The following VEGFC variants were observed in gnomAD, a reference collection of about 807,000 sequenced individuals.
VEGFC encodes vascular endothelial growth factor C.
Under a neutral mutation model 46.1 loss-of-function variants are expected in VEGFC, and 12 were observed. The ratio of observed to expected loss-of-function variants is 0.26; its 90% CI spans 0.17 to 0.42. VEGFC has a LOEUF of 0.42. Ranked by LOEUF, VEGFC falls within the 10% of genes least tolerant of loss-of-function variation. VEGFC has a pLI of 1.00. For missense variants in VEGFC, 488 were observed against 529.4 expected, an observed-to-expected ratio of 0.92 and a Z score of 0.77; for synonymous variants, 232 against 195.5, an observed-to-expected ratio of 1.19 and a Z score of -1.56.
chr4:176,792,883 A>AGCGGCGGCGGCGGCGGCGGCG lies in VEGFC; in HGVS notation c.-593_-573dup, dbSNP rs1004741257. Among the ~76,000 whole-genome samples the AGCGGCGGCGGCGGCGGCGGCG allele has an allele frequency of 2.1e-5, 3 of 144,820 alleles. No individual in the cohort carries two copies. The highest frequency in any genetic ancestry group is 7.5e-5 in the African/African-American group (3 of 39,810). ...GGATCCTCCAGAGCGCGCCGGGCTG[A>AGCGGCGGCGGCGGCGGCGGCG]GCGGCGGCGGCGGCGGCGGCGGGCG... On this transcript the variant is annotated 5_prime_UTR_variant, in exon 1 of 7. Coordinates refer to ENST00000618562, the MANE Select transcript of VEGFC (RefSeq NM_005429.5). This position sits in a 1 kb window ranked among gnomAD's most constrained non-coding sequence, Gnocchi z 6.3.
chr4:176,767,470 C>T (rs1025719296), intron 1 of VEGFC, among the ~76,000 whole-genome samples: 2 of 152,214 alleles, frequency 1.3e-5, no homozygotes, highest in Non-Finnish European at 2.9e-5. Context: ...CTATTGACAG[C>T]CCCTCTCCTA....
rs146168340 is a variant in VEGFC at position 176,762,118 on chromosome 4, A to G, written c.147+30047T>C. Among the ~76,000 whole-genome samples the G allele has an allele frequency of 6.9e-4, 105 of 152,318 alleles. No homozygotes were observed. In the East Asian group the frequency reaches 0.019, roughly 27 times the overall value. On this transcript the variant is annotated intron_variant, in intron 1 of 6. Transcript: ENST00000618562. ...ATGTCAGATGTAGGCTCAGAACATG[A>G]GGCCTGAAACTCACCAGGTCTTAGG...
chr4:176,768,025 C>T (rs1474342511), intron 1 of VEGFC, among the ~76,000 whole-genome samples: 1 of 152,120 alleles, frequency 6.6e-6, no homozygotes, highest in Non-Finnish European at 1.5e-5. Context: ...AAGGATGATA[C>T]CATGAATTTT....
chr4:176,711,564 A>G lies in VEGFC; in HGVS notation c.639T>C (p.Ser213=). Residue 213 remains serine, a synonymous_variant, in exon 4 of 7, where the codon TCT becomes TCC. Coordinates refer to ENST00000618562, the MANE Select transcript of VEGFC (RefSeq NM_005429.5). Reference sequence around the variant, plus strand: ...GAACTTGTCTGTAAACATCCAGTTTAGACATGCATCGGCAGGAAGTGTGAT... The same window carrying G: ...GAACTTGTCTGTAAACATCCAGTTTGGACATGCATCGGCAGGAAGTGTGAT... ...FANHTSCRCM[S]KLDVYRQVHS... 6.2e-7 allele frequency: 1 copy of G among 1,613,870 alleles called. No homozygotes were observed.
intron 1 of VEGFC, among the ~76,000 whole-genome samples, chr4:176,779,993 C>T (rs1322045664): frequency 6.6e-6 from 1 of 152,164 alleles, no homozygotes; most frequent in Non-Finnish European, 1.5e-5. Flanking sequence ...TAAAGAACGA[C>T]AGCTCTTAAA....
At chr4:176,713,537 T>A (rs1043175234) in intron 3 of VEGFC, among the ~76,000 whole-genome samples, 1 of 152,180 alleles carries the variant, frequency 6.6e-6, no homozygotes, top group Non-Finnish European at 1.5e-5. Flanking sequence ...TCTGCAATAA[T>A]GTAGATGGTA....
At chr4:176,702,934 T>A (rs1439279914) in intron 4 of VEGFC, among the ~76,000 whole-genome samples, 1 of 152,060 alleles carries the variant, frequency 6.6e-6, no homozygotes, top group Admixed American at 6.6e-5. Context: ...AAACATAATG[T>A]CAAGAGAAAA....
chr4:176,767,123 T>TAAAAAAAAAAA (rs70964805), intron 1 of VEGFC, among the ~76,000 whole-genome samples: 71 of 50,138 alleles, frequency 1.4e-3, no homozygotes, highest in Middle Eastern at 0.024. Flanking sequence ...TGTAGAAATC[T>TAAAAAAAAAAA]AAAAAAAAAA....
At chr4:176,706,906 C>T (rs1245154710) in intron 4 of VEGFC, among the ~76,000 whole-genome samples, 1 of 152,134 alleles carries the variant, frequency 6.6e-6, no homozygotes, top group African/African-American at 2.4e-5. Context: ...GATCCAAATC[C>T]TCAAACAAAC....
chr4:176,782,465 A>T (rs1735933262), intron 1 of VEGFC, among the ~76,000 whole-genome samples: 1 of 148,736 alleles, frequency 6.7e-6, no homozygotes, highest in Non-Finnish European at 1.5e-5. Context: ...CCTGTCTCAA[A>T]TTAAAAAAAA....
In VEGFC at chr4:176,706,625, C is replaced by CAAAAAAAA. The variant is rs55996370; in HGVS notation, c.704+4866_704+4873dup. Among the ~76,000 whole-genome samples the CAAAAAAAA allele has an allele frequency of 2.4e-4, 15 of 63,470 alleles. 1 individual carries two copies. Among genetic ancestry groups the CAAAAAAAA allele is most frequent in the African/African-American group, 9.0e-4 (11 of 12,282 alleles). The allele number at this position is 63,470 out of a possible 152,430, so 41.6% of individuals were successfully genotyped here. ...TGGGTGATAGAGTGAGAATCTGTCT[C>CAAAAAAAA]AAAAAAAAAAAAAAAAAAAAAAAAA... On this transcript the variant is annotated intron_variant, in intron 4 of 6. Transcript: ENST00000618562.
intron 1 of VEGFC, among the ~76,000 whole-genome samples, chr4:176,750,187 A>G (rs1167187100): frequency 6.6e-6 from 1 of 151,778 alleles, no homozygotes; most frequent in African/African-American, 2.4e-5. Context: ...GTTCATTATT[A>G]CTCCGATCTC....
chr4:176,777,062 C>T (rs962631450), intron 1 of VEGFC, among the ~76,000 whole-genome samples: 6 of 152,122 alleles, frequency 3.9e-5, no homozygotes, highest in East Asian at 1.9e-4. Flanking sequence ...GCCTGTAATC[C>T]CAGCACTTTG....
chr4:176,756,138 C>A lies in VEGFC; in HGVS notation c.148-26392G>T, dbSNP rs548530610. The stretch of plus-strand genomic sequence containing the variant: ...CTGGGCTTATCTCCCACATTCATGA[C>A]TTTTTAAATCTATTAAGTGATAATA... On this transcript the variant is annotated intron_variant, in intron 1 of 6. Transcript: ENST00000618562. Among the ~76,000 whole-genome samples, 9 of 152,068 alleles carry A rather than the reference C, an allele frequency of 5.9e-5. No homozygotes were observed. The East Asian group carries it at 1.4e-3, about 23-fold the overall frequency.
chr4:176,751,967 A>T (rs939269306), intron 1 of VEGFC, among the ~76,000 whole-genome samples: 1 of 151,790 alleles, frequency 6.6e-6, no homozygotes, highest in Non-Finnish European at 1.5e-5. Context: ...AATATGTCAT[A>T]AAGAAAAAAA....
intron 1 of VEGFC, among the ~76,000 whole-genome samples, chr4:176,774,532 T>C (rs1424233779): frequency 6.6e-6 from 1 of 152,146 alleles, no homozygotes; most frequent in East Asian, 1.9e-4. Flanking sequence ...TCTTTGCATA[T>C]GTAAAATGGG....
intron 1 of VEGFC, among the ~76,000 whole-genome samples, chr4:176,753,040 T>C (rs1735366473): frequency 6.6e-6 from 1 of 152,066 alleles, no homozygotes; most frequent in African/African-American, 2.4e-5. Flanking sequence ...AGCAATTAAC[T>C]AAAACCTACA....
intron 4 of VEGFC, among the ~76,000 whole-genome samples, chr4:176,700,159 G>T (rs191116256): frequency 3.9e-5 from 6 of 152,338 alleles, no homozygotes; most frequent in African/African-American, 1.4e-4. Flanking sequence ...GCTTACGCCT[G>T]TAATCCCAGC....
chr4:176,733,630 A>G (rs1378488701), intron 1 of VEGFC, among the ~76,000 whole-genome samples: 1 of 151,862 alleles, frequency 6.6e-6, no homozygotes, highest in African/African-American at 2.4e-5. Flanking sequence ...AAGTGTCACC[A>G]GGGAATATGT....
Sources: gnomAD v4.1 joint callset for allele counts (sites outside exome capture counted in the v4.1 genomes callset) on GRCh38, gnomAD v4.1.1 for gene constraint, Gnocchi (gnomAD v3.1) non-coding constraint, MANE v1.5 for transcripts, NCBI Gene and HGNC (gene_info 2026-07-23, HGNC 2026-07-21) for gene names.